Variants in POLN observed in about 807,000 individuals in gnomAD.
POLN encodes DNA polymerase nu.
POLN carries 108 observed loss-of-function variants against 113.5 expected under a neutral mutation model. The observed-to-expected ratio is 0.95, with a 90% CI of 0.81 to 1.12. The LOEUF is 1.12. Ranked by LOEUF, POLN falls within the 50% of genes most tolerant of loss-of-function variation. POLN has a pLI of 0.00. For missense variants in POLN, 1,097 were observed against 1,077.1 expected (o/e 1.02, Z -0.26); for synonymous variants, 386 against 391.5 (o/e 0.99, Z 0.17).
At chr4:2,204,118 A>T in intron 5 of POLN, among the ~76,000 whole-genome samples, 1 of 141,222 alleles carries the variant, frequency 7.1e-6, no homozygotes, top group Non-Finnish European at 1.6e-5. Flanking sequence ...ACAAAAAAAA[A>T]AAAAAAAAAA....
intron 19 of POLN, among the ~76,000 whole-genome samples, chr4:2,105,601 G>A (rs1347640596): frequency 1.3e-5 from 2 of 152,134 alleles, no homozygotes; most frequent in African/African-American, 4.8e-5. Context: ...CTATGACGCA[G>A]AAGACCCAAG....
chr4:2,080,392 C>T, intron 23 of POLN: 4 of 1,038,430 alleles, frequency 3.9e-6, no homozygotes, highest in Non-Finnish European at 4.6e-6. Flanking sequence ...GGCACATCTG[C>T]ATGTTGGCTC....
At position 2,213,140 on chromosome 4, in the gene POLN, C is replaced by T. The variant is rs762806135; in HGVS notation, c.134-14G>A. Reference sequence around the variant, plus strand: ...TCACTTCCATAGCTTTTAAAAACAACAAAAAAGAAACATGGGGCATTAAAG... The same window carrying T: ...TCACTTCCATAGCTTTTAAAAACAATAAAAAAGAAACATGGGGCATTAAAG... On this transcript the variant is annotated splice_polypyrimidine_tract_variant and intron_variant, in intron 3 of 25. Coordinates refer to ENST00000511885, the MANE Select transcript of POLN (RefSeq NM_181808.4). 7 of 1,541,384 alleles carry T rather than the reference C, an allele frequency of 4.5e-6. No homozygotes were observed. In the South Asian group the frequency reaches 8.5e-5, roughly 19 times the overall value.
chr4:2,152,269 C>T (rs928102007), intron 16 of POLN, among the ~76,000 whole-genome samples: 5 of 151,474 alleles, frequency 3.3e-5, no homozygotes, highest in Admixed American at 1.3e-4. Flanking sequence ...AACTCCTGAG[C>T]TCAAGAGATC....
chr4:2,199,481 C>T (rs974968223), intron 5 of POLN, among the ~76,000 whole-genome samples: 4 of 151,860 alleles, frequency 2.6e-5, no homozygotes, highest in Admixed American at 1.3e-4. Flanking sequence ...GGGTGGGTGG[C>T]GAGAGAACAC....
At chr4:2,218,397 A>G (rs577853191) in intron 3 of POLN, among the ~76,000 whole-genome samples, 2 of 151,980 alleles carry the variant, frequency 1.3e-5, no homozygotes, top group South Asian at 4.2e-4. Context: ...GTGAGCTGAG[A>G]TTGTGCCATT....
rs879705320 is a variant in POLN, at chr4:2,152,596, C to CA, written c.1731+4191dup. On this transcript the variant is annotated intron_variant, in intron 16 of 25. Coordinates refer to ENST00000511885, the MANE Select transcript of POLN (RefSeq NM_181808.4). ...TCAACTGTATTTTGTGCACTTTAAG[C>CA]AAAAAAAAAAAAGTAACTGAAATTC... Among the ~76,000 whole-genome samples, 374 of 134,830 alleles carry CA rather than the reference C, an allele frequency of 2.8e-3. 2 individuals are homozygous for CA. Among genetic ancestry groups the CA allele is most frequent in the African/African-American group, 7.6e-3 (276 of 36,532 alleles). The allele number at this position is 134,830 out of a possible 152,430, so 88.5% of individuals were successfully genotyped here.
intron 2 of POLN, chr4:2,232,075 G>C (rs1734601443): frequency 6.3e-7 from 1 of 1,599,738 alleles, no homozygotes; most frequent in East Asian, 2.3e-5. Flanking sequence ...TTTTCTTTTT[G>C]TCTTCACATC....
intron 2 of POLN, chr4:2,231,743 C>T: frequency 4.4e-6 from 2 of 452,500 alleles, no homozygotes; most frequent in Admixed American, 4.5e-5. Flanking sequence ...ATGCTCAAGT[C>T]ATAAAAAGCA....
At chr4:2,129,108 A>G in intron 18 of POLN, 71 bp downstream of exon 18, 1 of 1,043,696 alleles carries the variant, frequency 9.6e-7, no homozygotes, top group Non-Finnish European at 1.4e-6. Flanking sequence ...TTCCATAAGT[A>G]CCTTTGAATT....
intron 7 of POLN, among the ~76,000 whole-genome samples, chr4:2,192,463 T>C (rs659252): frequency 0.67 from 102,229 of 151,666 alleles, 36,419 homozygotes; most frequent in African/African-American, 0.91. Flanking sequence ...CCTCAGCCTC[T>C]TGAGTAGCTA....
At chr4:2,095,141 G>A (rs1403059395) in intron 20 of POLN, among the ~76,000 whole-genome samples, 4 of 151,738 alleles carry the variant, frequency 2.6e-5, no homozygotes, top group Admixed American at 6.6e-5. Context: ...GAAGAAGGGT[G>A]AGTGGAAGAG....
intron 16 of POLN, among the ~76,000 whole-genome samples, chr4:2,150,066 G>A (rs1206771196): frequency 6.6e-6 from 1 of 151,978 alleles, no homozygotes; most frequent in African/African-American, 2.4e-5. Flanking sequence ...CTGGGCAACA[G>A]TGTGAGACTC....
intron 16 of POLN, among the ~76,000 whole-genome samples, chr4:2,149,982 C>T (rs1732249993): frequency 6.6e-6 from 1 of 151,306 alleles, no homozygotes; most frequent in Non-Finnish European, 1.5e-5. Flanking sequence ...ACTCGGGAAG[C>T]TGAGGCAGGA....
At chr4:2,196,803 T>C (rs1191239954) in intron 6 of POLN, among the ~76,000 whole-genome samples, 1 of 152,214 alleles carries the variant, frequency 6.6e-6, no homozygotes, top group Non-Finnish European at 1.5e-5. Context: ...TATACTACTC[T>C]GTACCTTTGT....
At chr4:2,119,696 T>C (rs1489906044) in intron 19 of POLN, among the ~76,000 whole-genome samples, 1 of 152,160 alleles carries the variant, frequency 6.6e-6, no homozygotes, top group African/African-American at 2.4e-5. Flanking sequence ...CAATAAGGCA[T>C]TTACATGAAA....
intron 20 of POLN, among the ~76,000 whole-genome samples, chr4:2,091,850 C>A (rs191926066): frequency 1.3e-5 from 2 of 152,192 alleles, no homozygotes; most frequent in East Asian, 1.9e-4. Context: ...ACTCCCTTCA[C>A]TCCCTTTTCT....
At chr4:2,107,754 C>T (rs1231828819) in intron 19 of POLN, among the ~76,000 whole-genome samples, 4 of 152,212 alleles carry the variant, frequency 2.6e-5, no homozygotes, top group Non-Finnish European at 5.9e-5. Flanking sequence ...GAGCTCCCTC[C>T]AGACCCACTG....
chr4:2,238,018 C>CA (rs1400531726), intron 2 of POLN, among the ~76,000 whole-genome samples: 3 of 152,036 alleles, frequency 2.0e-5, no homozygotes, highest in Non-Finnish European at 4.4e-5. Context: ...AATAAGAAAA[C>CA]AAAAAGATTA....
Sources: gnomAD v4.1 joint callset for allele counts (sites outside exome capture counted in the v4.1 genomes callset) on GRCh38, gnomAD v4.1.1 for gene constraint, MANE v1.5 for transcripts, NCBI Gene and HGNC (gene_info 2026-07-23, HGNC 2026-07-21) for gene names.